The following LINC00237 variants were observed in gnomAD, a reference collection of about 807,000 sequenced individuals.
LINC00237 encodes the protein long independently transcribed non-coding RNA 237, also known as long intergenic non-protein coding RNA 237.
chr20:21,089,530 C>T (rs2030763368), intron 2 of LINC00237, among the ~76,000 whole-genome samples: 2 of 152,148 alleles, frequency 1.3e-5, no homozygotes, highest in Admixed American at 1.3e-4. Context: ...CTTCTCTTCG[C>T]TGGGCTCGTA....
Position 21,103,142 on chromosome 20 carries a change from A to G in LINC00237, n.88+3129T>C, listed in dbSNP as rs1417635483. On this transcript the variant is annotated intron_variant and non_coding_transcript_variant, in intron 1 of 3. Coordinates refer to ENST00000691244, the Ensembl canonical transcript of LINC00237. ...CCCCGGCCTCAGAGCCCCAAACCGG[A>G]GGCGCTGTCCAAACGCGCCAACGCT... Among the ~76,000 whole-genome samples the G allele has an allele frequency of 2.6e-5, 4 of 152,364 alleles. No homozygotes were observed. In the East Asian group the frequency reaches 7.7e-4, roughly 29 times the overall value.
At chr20:21,093,706 GCAT>G (rs1283796409) in exon 2 of LINC00237, 1 of 152,216 alleles carries the variant, frequency 6.6e-6, no homozygotes, top group African/African-American at 2.4e-5. Flanking sequence ...CTAGGATAAT[GCAT>G]CATTCAGAAT....
Position 21,096,965 on chromosome 20 carries a change from T to C in LINC00237, n.89-3113A>G, listed in dbSNP as rs1017354959. 3.9e-5 allele frequency among the ~76,000 whole-genome samples: 6 copies of C among 152,226 alleles called. No individual in the cohort carries two copies. The East Asian group carries it at 1.2e-3, about 29-fold the overall frequency. ...CACCAAAACAATGTCTTAGAAACCA[T>C]ACAAACCACACAAATCAACAATGAT... On this transcript the variant is annotated intron_variant and non_coding_transcript_variant, in intron 1 of 3. Transcript: ENST00000691244.
intron 1 of LINC00237, among the ~76,000 whole-genome samples, chr20:21,102,110 A>G (rs997133322): frequency 6.6e-6 from 1 of 152,244 alleles, no homozygotes; most frequent in Non-Finnish European, 1.5e-5. Flanking sequence ...TGCTTTAAGT[A>G]TACTTGGGCC....
intron 2 of LINC00237, chr20:21,092,814 T>A (rs2030810348): frequency 6.6e-6 from 1 of 152,204 alleles, no homozygotes; most frequent in Non-Finnish European, 1.5e-5. Flanking sequence ...AGAGCTTGTT[T>A]TAAAAATCAT....
intron 2 of LINC00237, among the ~76,000 whole-genome samples, chr20:21,092,342 C>T (rs895153024): frequency 6.6e-6 from 1 of 152,118 alleles, no homozygotes; most frequent in African/African-American, 2.4e-5. Flanking sequence ...GTGGTTGGAA[C>T]TCAGAGAAGG....
At chr20:21,096,363 C>A (rs960419990) in intron 1 of LINC00237, among the ~76,000 whole-genome samples, 11 of 152,182 alleles carry the variant, frequency 7.2e-5, no homozygotes, top group Admixed American at 1.3e-4. Context: ...TAATTCCCAG[C>A]CAGCAAGAAG....
At chr20:21,086,800 A>G (rs1403340794) in intron 3 of LINC00237, among the ~76,000 whole-genome samples, 1 of 125,730 alleles carries the variant, frequency 8.0e-6, no homozygotes, top group Non-Finnish European at 1.6e-5. Context: ...TACATATACT[A>G]TATATATGTA....
At chr20:21,090,684 G>C (rs1003604764) in intron 2 of LINC00237, among the ~76,000 whole-genome samples, 1 of 152,166 alleles carries the variant, frequency 6.6e-6, no homozygotes, top group Non-Finnish European at 1.5e-5. Context: ...CCTCTTCAGG[G>C]GAGATGAGGT....
chr20:21,086,795 A>T (rs1332691719), intron 3 of LINC00237, among the ~76,000 whole-genome samples: 1 of 126,174 alleles, frequency 7.9e-6, no homozygotes, highest in East Asian at 2.2e-4. Flanking sequence ...ATATATACAT[A>T]TACTATATAT....
Position 21,101,610 on chromosome 20 carries a change from G to A in LINC00237, n.88+4661C>T, listed in dbSNP as rs564514931. The A allele has an allele frequency of 6.6e-6, 1 of 152,506 alleles. No homozygotes were observed. Among genetic ancestry groups the A allele is most frequent in the African/African-American group, 2.4e-5 (1 of 41,586 alleles). The allele number at this position is 152,506 out of a possible 1,614,324, so 9.4% of individuals were successfully genotyped here. On this transcript the variant is annotated intron_variant and non_coding_transcript_variant, in intron 1 of 3. Transcript: ENST00000691244. This position sits in a 1 kb window ranked among gnomAD's most constrained non-coding sequence, Gnocchi z 4.3. Reference sequence around the variant, plus strand: ...GTTGGAGTAGCCACGCTAGCGGCTAGGCCGTTCCACCGGGTAGCTCCGCCC... The same window carrying A: ...GTTGGAGTAGCCACGCTAGCGGCTAAGCCGTTCCACCGGGTAGCTCCGCCC...
At chr20:21,104,564 C>A (rs1402550158) in intron 1 of LINC00237, among the ~76,000 whole-genome samples, 1 of 152,258 alleles carries the variant, frequency 6.6e-6, no homozygotes, top group African/African-American at 2.4e-5. Context: ...ACCAGGTCTG[C>A]AGCCGCTGGG....
chr20:21,088,331 T>C (rs192496274), intron 2 of LINC00237, among the ~76,000 whole-genome samples: 13 of 152,348 alleles, frequency 8.5e-5, no homozygotes, highest in Non-Finnish European at 1.6e-4. Flanking sequence ...AAACCCACTC[T>C]GCATTTCTGT....
chr20:21,090,654 T>C (rs2030780013), intron 2 of LINC00237: 1 of 152,212 alleles, frequency 6.6e-6, no homozygotes, highest in South Asian at 2.1e-4. Context: ...ACTCGGAGCT[T>C]GCTGCAAAAT....
intron 1 of LINC00237, among the ~76,000 whole-genome samples, chr20:21,106,027 C>A (rs947903450): frequency 6.6e-6 from 1 of 152,158 alleles, no homozygotes; most frequent in Non-Finnish European, 1.5e-5. Flanking sequence ...CAGGGGTCTC[C>A]GAATCCTAGG....
chr20:21,100,203 C>G (rs1188670672), intron 1 of LINC00237, among the ~76,000 whole-genome samples: 1 of 152,012 alleles, frequency 6.6e-6, no homozygotes, highest in Admixed American at 6.5e-5. Context: ...TAGGGATGCC[C>G]GTAGAGGATA....
chr20:21,093,371 G>A (rs1295109172), intron 2 of LINC00237: 1 of 152,188 alleles, frequency 6.6e-6, no homozygotes, highest in Non-Finnish European at 1.5e-5. Context: ...AGGAGCATCT[G>A]AGGAAGTCTT....
At chr20:21,094,858 T>C (rs970657179) in intron 1 of LINC00237, among the ~76,000 whole-genome samples, 1 of 152,206 alleles carries the variant, frequency 6.6e-6, no homozygotes, top group African/African-American at 2.4e-5. Flanking sequence ...GAGACCAGCC[T>C]GGCCAATGTG....
At position 21,101,688 on chromosome 20, in the gene LINC00237, C is replaced by T. The variant is rs2122182891; in HGVS notation, n.88+4583G>A. Reference sequence around the variant, plus strand: ...GAGCCGGGCAAGACGTGTTTTCCCGCTCCTTCGAATTTAACCGCCCAGTGC... The same window carrying T: ...GAGCCGGGCAAGACGTGTTTTCCCGTTCCTTCGAATTTAACCGCCCAGTGC... On this transcript the variant is annotated intron_variant and non_coding_transcript_variant, in intron 1 of 3. Coordinates refer to ENST00000691244, the Ensembl canonical transcript of LINC00237. The surrounding 1 kb of genome is among the most constrained non-coding windows in gnomAD (Gnocchi z 4.3). The T allele has an allele frequency of 6.6e-6, 1 of 152,454 alleles. No individual in the cohort carries two copies. Among genetic ancestry groups the T allele is most frequent in the East Asian group, 1.9e-4 (1 of 5,196 alleles). 9.4% of individuals were successfully genotyped at this position (152,454 alleles called of 1,614,324 possible).
Sources: gnomAD v4.1 joint callset for allele counts (sites outside exome capture counted in the v4.1 genomes callset) on GRCh38, gnomAD v4.1.1 for gene constraint, Gnocchi (gnomAD v3.1) non-coding constraint, MANE v1.5 for transcripts, NCBI Gene and HGNC (gene_info 2026-07-23, HGNC 2026-07-21) for gene names.